The following ZNF106 variants were observed in gnomAD, a reference collection of about 807,000 sequenced individuals.
ZNF106 encodes SH3-domain binding protein 3.
Under a neutral mutation model 195.1 loss-of-function variants are expected in ZNF106, and 67 were observed. The ratio of observed to expected loss-of-function variants is 0.34; its 90% CI spans 0.28 to 0.42. The LOEUF (loss-of-function observed/expected upper bound fraction) is 0.42, where lower values mean the gene tolerates loss of function less well. Ranked by LOEUF, ZNF106 falls within the 10% of genes least tolerant of loss-of-function variation. ZNF106 has a pLI of 1.00. For missense variants in ZNF106, 2,118 were observed against 2,304.5 expected, an observed-to-expected ratio of 0.92 and a Z score of 1.66; for synonymous variants, 784 against 818.6, an observed-to-expected ratio of 0.96 and a Z score of 0.72.
chr15:42,473,238 C>T (rs1175860314), intron 1 of ZNF106, among the ~76,000 whole-genome samples: 2 of 152,104 alleles, frequency 1.3e-5, no homozygotes, highest in Non-Finnish European at 2.9e-5. Flanking sequence ...ATCTGAACTC[C>T]ACAACACTTT....
intron 3 of ZNF106, among the ~76,000 whole-genome samples, chr15:42,458,225 G>A (rs74435783): frequency 0.015 from 2,215 of 151,840 alleles, 56 homozygotes; most frequent in African/African-American, 0.051. Flanking sequence ...CAACCCAAAA[G>A]GACATGCCGT....
Position 42,449,903 on chromosome 15 carries a change from T to C in ZNF106, c.2369A>G (p.Glu790Gly). The C allele has an allele frequency of 6.2e-7, 1 of 1,614,208 alleles. No homozygotes were observed. The highest frequency in any genetic ancestry group is 8.5e-7 in the Non-Finnish European group (1 of 1,180,036). ...CTTGAGCCCAGACTCCTTCTCTGTC[T>C]CACTCTTTCGGTGACCGCTAATATT... is the stretch of plus-strand genomic sequence containing the variant. ...IRNISGHRKSETEKESGLKPT... is the reference protein window; with the variant it reads ...IRNISGHRKSGTEKESGLKPT... The change falls in exon 5 of 22, where the codon GAG becomes GGG. Residue 790 changes from glutamate (E) to glycine (G), a missense_variant. Glu to Gly is a moderately conservative substitution (Grantham distance 98). Coordinates refer to ENST00000564754, the MANE Select transcript of ZNF106 (RefSeq NM_001366845.3).
intron 14 of ZNF106, among the ~76,000 whole-genome samples, chr15:42,430,022 GT>G (rs923423915): frequency 2.6e-5 from 4 of 152,148 alleles, no homozygotes; most frequent in Admixed American, 2.0e-4. Context: ...CTATGAAATG[GT>G]CTACGTTTTG....
At chr15:42,447,984 A>G (rs1167293487) in intron 6 of ZNF106, 88 bp downstream of exon 6, 1 of 1,416,440 alleles carries the variant, frequency 7.1e-7, no homozygotes, top group Non-Finnish European at 9.5e-7. Flanking sequence ...AATCCCAGAT[A>G]CCCAAGAAAA....
At chr15:42,457,681 G>C (rs1381817119) in intron 3 of ZNF106, 2 of 358,622 alleles carry the variant, frequency 5.6e-6, no homozygotes, top group Non-Finnish European at 7.9e-6. Context: ...TGGAATGTGA[G>C]GATTCCGGAC....
At chr15:42,460,623 G>A (rs1422350161) in intron 3 of ZNF106, among the ~76,000 whole-genome samples, 2 of 152,192 alleles carry the variant, frequency 1.3e-5, no homozygotes, top group African/African-American at 4.8e-5. Context: ...CACTTTGGGA[G>A]GCCGAGGCAG....
At chr15:42,433,743 G>T (rs2055157677) in intron 14 of ZNF106, among the ~76,000 whole-genome samples, 1 of 152,018 alleles carries the variant, frequency 6.6e-6, no homozygotes, top group South Asian at 2.1e-4. Flanking sequence ...TATTCTTTTA[G>T]TAATTACTCT....
At chr15:42,466,148 C>T in intron 2 of ZNF106, 34 bp from the exon 3 acceptor site, 2 of 1,489,276 alleles carry the variant, frequency 1.3e-6, no homozygotes, top group Non-Finnish European at 1.8e-6. Context: ...TAAAACTAAG[C>T]AGGATTGCTT....
intron 3 of ZNF106, chr15:42,457,463 G>A: frequency 8.0e-7 from 1 of 1,247,788 alleles, no homozygotes; most frequent in Non-Finnish European, 1.0e-6. Flanking sequence ...TGGTGAAAGG[G>A]GAGGCAGGGC....
At chr15:42,467,579 C>T (rs555215326) in intron 2 of ZNF106, among the ~76,000 whole-genome samples, 2 of 151,504 alleles carry the variant, frequency 1.3e-5, no homozygotes, top group East Asian at 1.9e-4. Context: ...ATCATGTGGT[C>T]GAGTTTGAGA....
At chr15:42,484,888 G>A (rs535232501) in intron 1 of ZNF106, among the ~76,000 whole-genome samples, 5 of 152,218 alleles carry the variant, frequency 3.3e-5, no homozygotes, top group African/African-American at 9.7e-5. Context: ...GACCAGGCGC[G>A]GTAGCTCACG....
In ZNF106 at chr15:42,457,017, T is replaced by C; in HGVS notation, c.258A>G (p.Glu86=). 6.2e-7 allele frequency: 1 copy of C among 1,609,972 alleles called. No individual in the cohort carries two copies. Among genetic ancestry groups the C allele is most frequent in the South Asian group, 1.1e-5 (1 of 90,746 alleles). ...TGAGTTCCTTGTCAAAATAATCTTC[T>C]TCCTCTTCCTCTCCTTTTCCATCAT... The part of the protein sequence containing the change: ...REDDGKGEEE[E]EDYFDKELIQ... The change falls in exon 4 of 22, where the codon GAA becomes GAG. Residue 86 remains glutamate, a synonymous_variant. Transcript: ENST00000564754.
chr15:42,417,978 C>G (rs1438669158), intron 20 of ZNF106, 27 bp from the exon 21 acceptor site: 3 of 1,603,464 alleles, frequency 1.9e-6, no homozygotes, highest in African/African-American at 1.3e-5. Flanking sequence ...TGAGGAGACT[C>G]GGTGAAAAAG....
At chr15:42,464,355 A>G (rs565624507) in intron 3 of ZNF106, among the ~76,000 whole-genome samples, 1 of 151,766 alleles carries the variant, frequency 6.6e-6, no homozygotes, top group African/African-American at 2.4e-5. Context: ...AAAAAAAACA[A>G]AAAACCACAA....
chr15:42,462,033 T>C (rs1181305992), intron 3 of ZNF106, among the ~76,000 whole-genome samples: 2 of 152,208 alleles, frequency 1.3e-5, no homozygotes, highest in African/African-American at 2.4e-5. Context: ...GAACACTATA[T>C]CCAATATGTG....
chr15:42,439,823 G>A lies in ZNF106; in HGVS notation c.3764-10C>T, dbSNP rs1229669045. On this transcript the variant is annotated splice_polypyrimidine_tract_variant and intron_variant, in intron 10 of 21. Coordinates refer to ENST00000564754, the MANE Select transcript of ZNF106 (RefSeq NM_001366845.3). The stretch of plus-strand genomic sequence containing the variant: ...CTGTCACTGATCTCTCCTGAATTGA[G>A]AGGAAAAAAATTATTGCATCCTTTT... The A allele has an allele frequency of 6.7e-7, 1 of 1,493,688 alleles. No homozygotes were observed. Among genetic ancestry groups the A allele is most frequent in the Non-Finnish European group, 8.9e-7 (1 of 1,125,364 alleles). The allele number at this position is 1,493,688 out of a possible 1,614,324, so 92.5% of individuals were successfully genotyped here.
chr15:42,448,411 G>A lies in ZNF106; in HGVS notation c.2796C>T (p.His932=), dbSNP rs1595465655. The change falls in exon 6 of 22, where the codon CAC becomes CAT. Residue 932 remains histidine, a synonymous_variant. Coordinates refer to ENST00000564754, the MANE Select transcript of ZNF106 (RefSeq NM_001366845.3). ...RAGQSQKATM[H]LKQEVTPRAA... ...CCCGAGGTGTCACTTCTTGTTTGAG[G>A]TGCATGGTTGCTTTCTGGCTCTGTC... 2.5e-6 allele frequency: 4 copies of A among 1,614,154 alleles called. No homozygotes were observed. Among genetic ancestry groups the A allele is most frequent in the South Asian group, 1.1e-5 (1 of 91,086 alleles).
intron 1 of ZNF106, among the ~76,000 whole-genome samples, chr15:42,479,974 C>T (rs1197693072): frequency 6.6e-6 from 1 of 152,132 alleles, no homozygotes; most frequent in African/African-American, 2.4e-5. Flanking sequence ...CATCAGCCTC[C>T]CAAGTAGCTA....
Position 42,421,146 on chromosome 15 carries a change from G to C in ZNF106, c.5446-14C>G, listed in dbSNP as rs1165603024. On this transcript the variant is annotated splice_polypyrimidine_tract_variant and intron_variant, in intron 19 of 21. Transcript: ENST00000564754. ...GCCAGTGTAAATCTGGAGAAAGAGAGGTTTATAATATCAGACCAAAATACA... is the reference window on the plus strand; with the variant it reads ...GCCAGTGTAAATCTGGAGAAAGAGACGTTTATAATATCAGACCAAAATACA... 2 of 1,613,396 alleles carry C rather than the reference G, an allele frequency of 1.2e-6. No homozygotes were observed. Among genetic ancestry groups the C allele is most frequent in the East Asian group, 2.2e-5 (1 of 44,872 alleles).
Sources: allele counts gnomAD v4.1 joint callset (sites outside exome capture counted in the v4.1 genomes callset), GRCh38; gene constraint gnomAD v4.1.1; transcripts MANE v1.5; gene names NCBI Gene and HGNC (gene_info 2026-07-23, HGNC 2026-07-21).